Variants in SH2D4A observed in about 807,000 individuals in gnomAD.
SH2D4A encodes the protein SH2 domain-containing protein 4A.
Under a neutral mutation model 64.7 loss-of-function variants are expected in SH2D4A, and 70 were observed. That is an observed-to-expected ratio of 1.08 (90% CI 0.89 to 1.32). SH2D4A has a LOEUF of 1.32. Ranked by LOEUF, SH2D4A falls within the 40% of genes most tolerant of loss-of-function variation. SH2D4A has a pLI of 0.00. For synonymous variants in SH2D4A, 268 were observed against 200.7 expected, an observed-to-expected ratio of 1.34 and a Z score of -2.83; for missense variants, 706 against 540.1, an observed-to-expected ratio of 1.31 and a Z score of -3.04.
intron 9 of SH2D4A, among the ~76,000 whole-genome samples, chr8:19,394,098 C>T (rs906431041): frequency 6.6e-5 from 10 of 152,076 alleles, no homozygotes; most frequent in East Asian, 1.9e-4. Context: ...TCCTAAGGAG[C>T]GCACAACTGA....
intron 8 of SH2D4A, among the ~76,000 whole-genome samples, chr8:19,381,497 T>G (rs1294825915): frequency 6.6e-6 from 1 of 152,254 alleles, no homozygotes; most frequent in Non-Finnish European, 1.5e-5. Flanking sequence ...CTGATTTTTG[T>G]GTGTTGTCTG....
chr8:19,393,204 T>C (rs953970389), intron 8 of SH2D4A, 114 bp from the exon 9 acceptor site: 1 of 894,904 alleles, frequency 1.1e-6, no homozygotes, highest in East Asian at 2.5e-5. Context: ...AAAATTGCTC[T>C]TATTGTGTCT....
chr8:19,340,111 G>C (rs2117226908), intron 4 of SH2D4A, among the ~76,000 whole-genome samples: 1 of 152,312 alleles, frequency 6.6e-6, no homozygotes, highest in Non-Finnish European at 1.5e-5. Flanking sequence ...ATGGCCCCTA[G>C]GGCTGGCAGT....
chr8:19,332,555 GGGCATGGTGGCA>G (rs1261060506), intron 2 of SH2D4A, among the ~76,000 whole-genome samples: 2 of 151,898 alleles, frequency 1.3e-5, no homozygotes, highest in African/African-American at 4.8e-5. Context: ...AAAATTAGCT[GGGCATGGTGGCA>G]GGTGCCTGTA....
At chr8:19,325,266 C>T (rs1401249411) in intron 2 of SH2D4A, among the ~76,000 whole-genome samples, 1 of 152,146 alleles carries the variant, frequency 6.6e-6, no homozygotes, top group Non-Finnish European at 1.5e-5. Flanking sequence ...TTTCCCACTA[C>T]CAAGATACTG....
Position 19,364,056 on chromosome 8 carries a change from C to A in SH2D4A, c.707-16C>A. The A allele has an allele frequency of 6.2e-7, 1 of 1,613,414 alleles. No homozygotes were observed. Among genetic ancestry groups the A allele is most frequent in the Non-Finnish European group, 8.5e-7 (1 of 1,179,724 alleles). On this transcript the variant is annotated splice_polypyrimidine_tract_variant and intron_variant, in intron 6 of 9. Coordinates refer to ENST00000265807, the MANE Select transcript of SH2D4A (RefSeq NM_022071.4). ...TGGGCTGATGAGGGTTTTCTCCGAC[C>A]CCGTTGTTTTTCCAGTGCGAAAATC...
chr8:19,389,133 T>G (rs1424631905), intron 8 of SH2D4A, among the ~76,000 whole-genome samples: 6 of 151,802 alleles, frequency 4.0e-5, no homozygotes, highest in African/African-American at 9.7e-5. Context: ...TCTTGCAGAG[T>G]GAGTAGGAGT....
At chr8:19,321,591 A>T (rs1181970919) in intron 2 of SH2D4A, among the ~76,000 whole-genome samples, 1 of 152,242 alleles carries the variant, frequency 6.6e-6, no homozygotes, top group Non-Finnish European at 1.5e-5. Flanking sequence ...ATTTTACATT[A>T]TTCTGCACTA....
intron 2 of SH2D4A, among the ~76,000 whole-genome samples, chr8:19,332,361 C>T (rs924914260): frequency 8.5e-5 from 13 of 152,078 alleles, no homozygotes; most frequent in South Asian, 2.1e-4. Flanking sequence ...TGCAGCCAGG[C>T]GCAGTGACTC....
At chr8:19,339,845 G>C (rs1411464701) in intron 4 of SH2D4A, among the ~76,000 whole-genome samples, 1 of 152,078 alleles carries the variant, frequency 6.6e-6, no homozygotes, top group Non-Finnish European at 1.5e-5. Flanking sequence ...GTGAGGAGAG[G>C]ATCCCAAGGT....
At chr8:19,328,597 C>T (rs2052321211) in intron 2 of SH2D4A, among the ~76,000 whole-genome samples, 1 of 152,144 alleles carries the variant, frequency 6.6e-6, no homozygotes, top group Admixed American at 6.5e-5. Context: ...CCCATTCTCT[C>T]CCCAAATGCT....
chr8:19,365,489 A>C (rs1713862739), intron 7 of SH2D4A, among the ~76,000 whole-genome samples: 1 of 152,214 alleles, frequency 6.6e-6, no homozygotes, highest in Non-Finnish European at 1.5e-5. Context: ...GTCTGTCCGC[A>C]CGTTGGCGAC....
chr8:19,364,662 A>G (rs1430272148), intron 7 of SH2D4A, among the ~76,000 whole-genome samples: 3 of 152,004 alleles, frequency 2.0e-5, no homozygotes, highest in Non-Finnish European at 4.4e-5. Flanking sequence ...CTGATGCCCA[A>G]GATCACCCTT....
chr8:19,356,646 T>C (rs756377634), intron 4 of SH2D4A, among the ~76,000 whole-genome samples: 15 of 152,060 alleles, frequency 9.9e-5, no homozygotes, highest in Non-Finnish European at 2.1e-4. Context: ...AGTGGGGAGG[T>C]TGCCTCATGG....
chr8:19,327,294 A>G (rs557804997), intron 2 of SH2D4A, among the ~76,000 whole-genome samples: 1 of 152,314 alleles, frequency 6.6e-6, no homozygotes, highest in African/African-American at 2.4e-5. Flanking sequence ...GAAGTGCTAT[A>G]AAAAGCTCCC....
intron 1 of SH2D4A, among the ~76,000 whole-genome samples, chr8:19,316,207 T>A (rs1479955462): frequency 6.6e-6 from 1 of 152,182 alleles, no homozygotes; most frequent in Non-Finnish European, 1.5e-5. Context: ...GTCGGCTGGG[T>A]CCCCCAAGTA....
At position 19,373,534 on chromosome 8, in the gene SH2D4A, C is replaced by T. The variant is rs963249014; in HGVS notation, c.922C>T (p.Gln308Ter). Residue 308 changes from glutamine to a stop codon, truncating the protein, a stop_gained, in exon 8 of 10, where the codon CAG (glutamine) becomes TAG (stop). Coordinates refer to ENST00000265807, the MANE Select transcript of SH2D4A (RefSeq NM_022071.4). LOFTEE classifies it high-confidence loss of function. ...AAAAACTTTTATAAATAACAGAAAT[C>T]AGGGAGTGGTGAGGACACTGTCCAG... Reference protein sequence around the residue: ...GAYPQKPLRNQGVVRTLSSSA... With the variant: ...GAYPQKPLRN 1.9e-6 allele frequency: 3 copies of T among 1,575,068 alleles called. No homozygotes were observed. Among genetic ancestry groups the T allele is most frequent in the Non-Finnish European group, 2.6e-6 (3 of 1,161,268 alleles).
chr8:19,358,286 T>A (rs1013906642), intron 5 of SH2D4A, among the ~76,000 whole-genome samples: 6 of 152,222 alleles, frequency 3.9e-5, no homozygotes, highest in African/African-American at 1.4e-4. Flanking sequence ...TAGAGACACA[T>A]TTTATGAAAA....
chr8:19,324,165 A>G (rs149771517), intron 2 of SH2D4A, among the ~76,000 whole-genome samples: 228 of 152,262 alleles, frequency 1.5e-3, no homozygotes, highest in African/African-American at 5.2e-3. Context: ...GGGTGATTTT[A>G]TTGGGTAACG....
Sources: gnomAD v4.1 joint callset for allele counts (sites outside exome capture counted in the v4.1 genomes callset) on GRCh38, gnomAD v4.1.1 for gene constraint, MANE v1.5 for transcripts, NCBI Gene and HGNC (gene_info 2026-07-23, HGNC 2026-07-21) for gene names.